AFG2B: variants seen among roughly 807,000 people sequenced by gnomAD.
The protein encoded by AFG2B is AAA ATPase AFG2B.
At chr15:45,410,436 C>G in the AFG2B span, 1 of 1,613,972 alleles carries the variant, frequency 6.2e-7, no homozygotes, top group Non-Finnish European at 8.5e-7. Flanking sequence ...ATTCAGCCCT[C>G]ATCGTTTCGA....
the AFG2B span, chr15:45,415,463 A>C: frequency 1.2e-6 from 1 of 815,484 alleles, no homozygotes; most frequent in Non-Finnish European, 1.9e-6. Context: ...GCATCACTAC[A>C]CTCCAAACTG....
At chr15:45,405,953 T>C in the AFG2B span, among the ~76,000 whole-genome samples, 1 of 152,130 alleles carries the variant, frequency 6.6e-6, no homozygotes, top group South Asian at 2.1e-4. Context: ...GTGTATTTCC[T>C]TATATATATA....
At chr15:45,415,940 C>A in the AFG2B span, 1 of 586,490 alleles carries the variant, frequency 1.7e-6, no homozygotes, top group Non-Finnish European at 2.7e-6. Context: ...TTTGTTAGGA[C>A]TTTTAGAGCT....
At chr15:45,412,193 G>A in the AFG2B span, among the ~76,000 whole-genome samples, 1 of 151,746 alleles carries the variant, frequency 6.6e-6, no homozygotes, top group African/African-American at 2.4e-5. Context: ...ACGAGGTCAG[G>A]AGTTCAAGAC....
the AFG2B span, among the ~76,000 whole-genome samples, chr15:45,418,012 G>A: frequency 0.15 from 22,862 of 151,962 alleles, 5,692 homozygotes; most frequent in African/African-American, 0.52. Flanking sequence ...TCATGTATTT[G>A]CTTCTTAAGC....
chr15:45,414,206 G>A, the AFG2B span, among the ~76,000 whole-genome samples: 1 of 152,230 alleles, frequency 6.6e-6, no homozygotes, highest in Admixed American at 6.5e-5. Context: ...CCTGAGTGAT[G>A]AGGGATAGCC....
At chr15:45,405,988 C>T in the AFG2B span, among the ~76,000 whole-genome samples, 2 of 151,946 alleles carry the variant, frequency 1.3e-5, no homozygotes, top group Non-Finnish European at 2.9e-5. Flanking sequence ...AATATTTGAG[C>T]ATATACTACA....
chr15:45,412,010 A>C, the AFG2B span, among the ~76,000 whole-genome samples: 3 of 152,006 alleles, frequency 2.0e-5, no homozygotes, highest in Admixed American at 2.0e-4. Context: ...AGGCAGGAGA[A>C]TCGCTTGAAC....
the AFG2B span, among the ~76,000 whole-genome samples, chr15:45,404,528 C>T: frequency 2.0e-5 from 3 of 152,002 alleles, no homozygotes; most frequent in African/African-American, 4.8e-5. Context: ...TTATTTTGGC[C>T]GGGCGCGGTG....
the AFG2B span, chr15:45,415,898 T>C: frequency 1.1e-6 from 1 of 931,790 alleles, no homozygotes; most frequent in Non-Finnish European, 1.6e-6. Context: ...TGAATTCATC[T>C]CATAGAAGGA....
At chr15:45,402,374 T>C in the AFG2B span, 1 of 1,552,256 alleles carries the variant, frequency 6.4e-7, no homozygotes, top group Non-Finnish European at 8.7e-7. Context: ...TTCCGCTTTT[T>C]GTGGGCCGGG....
chr15:45,402,454 C>G, the AFG2B span: 1 of 1,605,378 alleles, frequency 6.2e-7, no homozygotes, highest in Non-Finnish European at 8.5e-7. Flanking sequence ...GGATCCCTTC[C>G]CTGAAGGGCC....
the AFG2B span, chr15:45,407,128 G>A: frequency 7.8e-7 from 1 of 1,288,840 alleles, no homozygotes; most frequent in Non-Finnish European, 1.0e-6. Flanking sequence ...GCCTGCTCAG[G>A]TGTAGTTACC....
the AFG2B span, chr15:45,405,654 T>C: frequency 2.6e-5 from 19 of 735,254 alleles, no homozygotes; most frequent in Non-Finnish European, 4.1e-5. Context: ...CTCAACTCTA[T>C]ATAAATAGTA....
chr15:45,408,204 T>C, the AFG2B span, among the ~76,000 whole-genome samples: 21 of 152,186 alleles, frequency 1.4e-4, no homozygotes. Flanking sequence ...CTTCTAAAAT[T>C]ATTGTCTTTA....
At chr15:45,419,986 T>TCTCCC in the AFG2B span, among the ~76,000 whole-genome samples, 4 of 49,244 alleles carry the variant, frequency 8.1e-5, no homozygotes, top group Non-Finnish European at 1.4e-4. Flanking sequence ...CAAGACTCTG[T>TCTCCC]CCCCCCCCCC....
chr15:45,407,288 C>G, the AFG2B span: 1 of 1,130,890 alleles, frequency 8.8e-7, no homozygotes, highest in African/African-American at 1.6e-5. Flanking sequence ...TCTCCCTGTA[C>G]CAGGGCAGAT....
the AFG2B span, chr15:45,405,306 TGC>T: frequency 1.9e-6 from 3 of 1,604,528 alleles, no homozygotes; most frequent in Admixed American, 1.7e-5. Flanking sequence ...TTTTTTGTTT[TGC>T]TTTGCATATA....
At chr15:45,414,471 T>C in the AFG2B span, 3 of 1,107,266 alleles carry the variant, frequency 2.7e-6, no homozygotes, top group South Asian at 4.3e-5. Context: ...CAGCTCATAA[T>C]AGGAGGCTGA....
Sources: allele counts gnomAD v4.1 joint callset (sites outside exome capture counted in the v4.1 genomes callset), GRCh38; gene constraint gnomAD v4.1.1; transcripts MANE v1.5; gene names NCBI Gene and HGNC (gene_info 2026-07-23, HGNC 2026-07-21).